MAP3K4: variants seen among roughly 807,000 people sequenced by gnomAD.
The protein encoded by MAP3K4 is MAP three kinase 1.
A neutral mutation model predicts 185.6 loss-of-function variants in MAP3K4; 67 were observed. The ratio of observed to expected loss-of-function variants is 0.36; its 90% CI spans 0.30 to 0.44. The LOEUF (loss-of-function observed/expected upper bound fraction) is 0.44. MAP3K4 is among the 20% of genes least tolerant of loss of function. The pLI is 1.00. For missense variants in MAP3K4, 1,551 were observed against 1,995.1 expected (o/e 0.78, Z 4.24); for synonymous variants, 702 against 710.4 (o/e 0.99, Z 0.19).
chr6:161,065,395 T>A (rs1468036499), intron 3 of MAP3K4, among the ~76,000 whole-genome samples: 1 of 152,226 alleles, frequency 6.6e-6, no homozygotes, highest in African/African-American at 2.4e-5. Flanking sequence ...ATAACAGATA[T>A]GTGTTCCTGC....
In MAP3K4 at chr6:161,080,908, A is replaced by G; in HGVS notation, c.2125A>G (p.Ile709Val). The change falls in exon 6 of 27, where the codon ATC becomes GTC. Residue 709 changes from isoleucine to valine, a missense_variant. Ile to Val is a conservative substitution (Grantham distance 29, BLOSUM62 3). Coordinates refer to ENST00000392142, the MANE Select transcript of MAP3K4 (RefSeq NM_005922.4). The surrounding 1 kb of genome is among the most constrained non-coding windows in gnomAD (Gnocchi z 4.8). ...MVYFDYMRSWIQMLQQLPQAS... is the reference protein window; with the variant it reads ...MVYFDYMRSWVQMLQQLPQAS... ...GTATTTTGATTACATGAGAAGCTGG[A>G]TCCAAATGCTACAGCAATTACCTCA... 6.2e-7 allele frequency: 1 copy of G among 1,614,094 alleles called. No homozygotes were observed. The highest frequency in any genetic ancestry group is 8.5e-7 in the Non-Finnish European group (1 of 1,179,998).
At chr6:161,066,900 T>C (rs1246807) in intron 3 of MAP3K4, among the ~76,000 whole-genome samples, 151,705 of 152,304 alleles carry the variant, frequency 1, 75,555 homozygotes, top group Middle Eastern at 1. Context: ...TTTGGAATGC[T>C]GAAAGAATTA....
chr6:161,005,924 A>G (rs1781561988), intron 1 of MAP3K4, among the ~76,000 whole-genome samples: 1 of 152,066 alleles, frequency 6.6e-6, no homozygotes, highest in Admixed American at 6.5e-5. Context: ...AGTAGCTGGG[A>G]TTACAGGTGC....
Position 161,061,627 on chromosome 6 carries a change from G to A in MAP3K4, c.1708-8981G>A, listed in dbSNP as rs938503850. Among the ~76,000 whole-genome samples the A allele has an allele frequency of 6.6e-6, 1 of 152,180 alleles. No homozygotes were observed. Among genetic ancestry groups the A allele is most frequent in the Non-Finnish European group, 1.5e-5 (1 of 68,042 alleles). ...TAGCTGTCACCTCCACAATTCCTGT[G>A]CTCACTAGCCCTATCTCTAGGCAAC... On this transcript the variant is annotated intron_variant, in intron 3 of 26. Coordinates refer to ENST00000392142, the MANE Select transcript of MAP3K4 (RefSeq NM_005922.4). The surrounding 1 kb of genome is among the most constrained non-coding windows in gnomAD (Gnocchi z 4.2).
intron 1 of MAP3K4, among the ~76,000 whole-genome samples, chr6:161,005,173 C>G (rs1250619951): frequency 6.7e-6 from 1 of 149,484 alleles, no homozygotes; most frequent in Non-Finnish European, 1.5e-5. Flanking sequence ...GGGTCTCACT[C>G]TGTTGTCCAG....
intron 1 of MAP3K4, among the ~76,000 whole-genome samples, chr6:161,032,019 A>G (rs2115159706): frequency 6.6e-6 from 1 of 152,332 alleles, no homozygotes; most frequent in African/African-American, 2.4e-5. Flanking sequence ...TTTATGCTAT[A>G]GTTTCCTGGC....
chr6:161,083,528 A>T (rs1785556040), intron 6 of MAP3K4, among the ~76,000 whole-genome samples: 1 of 152,198 alleles, frequency 6.6e-6, no homozygotes, highest in African/African-American at 2.4e-5. Flanking sequence ...TGAGCATGAC[A>T]TCCATTGCCC....
In MAP3K4 at chr6:161,097,240, T is replaced by G; in HGVS notation, c.3524+64T>G. 7.4e-7 allele frequency: 1 copy of G among 1,344,624 alleles called. No homozygotes were observed. Among genetic ancestry groups the G allele is most frequent in the South Asian group, 1.2e-5 (1 of 84,218 alleles). 83.3% of individuals were successfully genotyped at this position (1,344,624 alleles called of 1,614,324 possible). ...CCCTCCGATATGCATGCTCATACTT[T>G]TGAAACTACTAGATGCTTGCTCTGA... On this transcript the variant is annotated intron_variant, in intron 16 of 26. Transcript: ENST00000392142. This position sits in a 1 kb window ranked among gnomAD's most constrained non-coding sequence, Gnocchi z 4.9.
intron 1 of MAP3K4, among the ~76,000 whole-genome samples, chr6:161,000,643 A>G (rs1781222353): frequency 6.6e-6 from 1 of 152,158 alleles, no homozygotes; most frequent in Non-Finnish European, 1.5e-5. Context: ...AATTTTTCAC[A>G]TAGAGCAGTC....
chr6:161,036,601 C>T (rs928151541), intron 2 of MAP3K4, among the ~76,000 whole-genome samples: 1 of 152,078 alleles, frequency 6.6e-6, no homozygotes, highest in Admixed American at 6.5e-5. Context: ...ATAGCCTGTA[C>T]TTTTAATTTA....
At chr6:161,024,253 G>A (rs1782536917) in intron 1 of MAP3K4, among the ~76,000 whole-genome samples, 1 of 152,120 alleles carries the variant, frequency 6.6e-6, no homozygotes, top group African/African-American at 2.4e-5. Context: ...ATAGATGCGA[G>A]CCGCCACACC....
chr6:161,078,638 A>G (rs1249083379), intron 5 of MAP3K4, among the ~76,000 whole-genome samples: 1 of 152,192 alleles, frequency 6.6e-6, no homozygotes, highest in African/African-American at 2.4e-5. Flanking sequence ...GACAAGATCC[A>G]AGGTGGAACC....
chr6:161,015,071 A>G (rs1782026582), intron 1 of MAP3K4, among the ~76,000 whole-genome samples: 2 of 152,148 alleles, frequency 1.3e-5, no homozygotes, highest in Admixed American at 1.3e-4. Flanking sequence ...AAGTTTTGTC[A>G]TAGTATAAAT....
In MAP3K4 at chr6:161,074,905, A is replaced by T. The variant is rs1785102686; in HGVS notation, c.2097+1293A>T. On this transcript the variant is annotated intron_variant, in intron 5 of 26. Coordinates refer to ENST00000392142, the MANE Select transcript of MAP3K4 (RefSeq NM_005922.4). This position sits in a 1 kb window ranked among gnomAD's most constrained non-coding sequence, Gnocchi z 5.0. ...CAGAGCAATAGGAGCTCTCCTGGCA[A>T]CCCCACCCAGCACATTTCCCCTGCC... Among the ~76,000 whole-genome samples, 1 of 152,006 alleles carries T rather than the reference A, an allele frequency of 6.6e-6. No homozygotes were observed. The highest frequency in any genetic ancestry group is 6.5e-5 in the Admixed American group (1 of 15,274).
At position 161,112,462 on chromosome 6, in the gene MAP3K4, A is replaced by G. The variant is rs1366407266; in HGVS notation, c.4520-206A>G. Among the ~76,000 whole-genome samples, 1 of 152,246 alleles carries G rather than the reference A, an allele frequency of 6.6e-6. No homozygotes were observed. Among genetic ancestry groups the G allele is most frequent in the African/African-American group, 2.4e-5 (1 of 41,464 alleles). On this transcript the variant is annotated intron_variant, in intron 24 of 26. Coordinates refer to ENST00000392142, the MANE Select transcript of MAP3K4 (RefSeq NM_005922.4). This position sits in a 1 kb window ranked among gnomAD's most constrained non-coding sequence, Gnocchi z 5.1. ...ATACAATTAATTTGAAAATGTGTAC[A>G]TTCAAAAATAGTCTTTTAAAAGAGA...
At position 160,996,141 on chromosome 6, in the gene MAP3K4, G is replaced by C. The variant is rs1020813614; in HGVS notation, c.152+4058G>C. Among the ~76,000 whole-genome samples the C allele has an allele frequency of 3.3e-5, 5 of 152,066 alleles. No individual in the cohort carries two copies. The highest frequency in any genetic ancestry group is 7.4e-5 in the Non-Finnish European group (5 of 68,026). On this transcript the variant is annotated intron_variant, in intron 1 of 26. Transcript: ENST00000392142. The surrounding 1 kb of genome is among the most constrained non-coding windows in gnomAD (Gnocchi z 4.5). ...CCTTGTATGTCAACTGTTCTCCCTGGCAAAGTCAGCCTCCTGTGGTGCTCC... is the reference window on the plus strand; with the variant it reads ...CCTTGTATGTCAACTGTTCTCCCTGCCAAAGTCAGCCTCCTGTGGTGCTCC...
rs1186524777 is a variant in MAP3K4, at chr6:161,077,123, T to C, written c.2097+3511T>C. Among the ~76,000 whole-genome samples, 1 of 152,200 alleles carries C rather than the reference T, an allele frequency of 6.6e-6. No homozygotes were observed. The highest frequency in any genetic ancestry group is 6.5e-5 in the Admixed American group (1 of 15,286). ...AAACAATACTATATATTGTAGTTTC[T>C]GTAATAAGAGATTGTTTTAAAAAGC... On this transcript the variant is annotated intron_variant, in intron 5 of 26. Coordinates refer to ENST00000392142, the MANE Select transcript of MAP3K4 (RefSeq NM_005922.4). This position sits in a 1 kb window ranked among gnomAD's most constrained non-coding sequence, Gnocchi z 4.3.
chr6:160,999,420 T>C (rs1323406555), intron 1 of MAP3K4, among the ~76,000 whole-genome samples: 1 of 152,216 alleles, frequency 6.6e-6, no homozygotes, highest in African/African-American at 2.4e-5. Flanking sequence ...TGGAGTTAGT[T>C]AGTTGTATCT....
intron 1 of MAP3K4, 47 bp downstream of exon 1, chr6:160,992,130 T>G (rs770307448): frequency 1.4e-6 from 2 of 1,481,430 alleles, no homozygotes; most frequent in East Asian, 5.5e-5. Context: ...GCGGGGCGGG[T>G]CCTGGCCCGA....
Sources: allele counts gnomAD v4.1 joint callset (sites outside exome capture counted in the v4.1 genomes callset), GRCh38; gene constraint gnomAD v4.1.1; non-coding constraint Gnocchi (gnomAD v3.1); transcripts MANE v1.5; gene names NCBI Gene and HGNC (gene_info 2026-07-23, HGNC 2026-07-21).